Variants in HNF1B observed in about 807,000 individuals in gnomAD.
HNF1B encodes HNF1 homeobox B.
In HNF1B, 8 loss-of-function variants were observed where a neutral mutation model predicts 61.7. That is an observed-to-expected ratio of 0.13 (90% CI 0.08 to 0.23). The LOEUF is 0.23. HNF1B is among the 10% of genes least tolerant of loss of function. The probability of loss-of-function intolerance (pLI) is 1.00; values close to 1 mark genes in which losing one functional copy is unlikely to be tolerated. For missense variants in HNF1B, 562 were observed against 714.5 expected, an observed-to-expected ratio of 0.79 and a Z score of 2.43; for synonymous variants, 314 against 287.7, an observed-to-expected ratio of 1.09 and a Z score of -0.93.
chr17:37,715,422 G>A (rs895837497), intron 4 of HNF1B, among the ~76,000 whole-genome samples: 6 of 152,214 alleles, frequency 3.9e-5, no homozygotes, highest in Admixed American at 1.3e-4. Context: ...TAGTGAAAGT[G>A]TAAATCTGTT....
chr17:37,705,039 G>A lies in HNF1B; in HGVS notation c.1217C>T (p.Ser406Leu), dbSNP rs911202452. The change falls in exon 6 of 9, where the codon TCA (serine) becomes TTA (leucine). Residue 406 changes from serine to leucine, a missense_variant. Coordinates refer to ENST00000617811, the MANE Select transcript of HNF1B (RefSeq NM_000458.4). ...LSPDGKMISV[S>L]GGGLPPVSTL... ...GCTGACTGGGGGCAAACCTCCTCCT[G>A]AGACTGAGATCTGATGGAGAGAAAA... is the stretch of plus-strand genomic sequence containing the variant. The A allele has an allele frequency of 4.3e-6, 7 of 1,613,798 alleles. No homozygotes were observed. Among genetic ancestry groups the A allele is most frequent in the African/African-American group, 1.3e-5 (1 of 74,926 alleles).
chr17:37,688,619 C>A (rs1385709682), intron 8 of HNF1B, among the ~76,000 whole-genome samples: 2 of 152,136 alleles, frequency 1.3e-5, no homozygotes, highest in Non-Finnish European at 2.9e-5. Flanking sequence ...TAGGTGGCCA[C>A]TCAGCATGTG....
intron 4 of HNF1B, among the ~76,000 whole-genome samples, chr17:37,715,663 C>T (rs917311242): frequency 8.5e-5 from 13 of 152,180 alleles, no homozygotes; most frequent in Non-Finnish European, 1.8e-4. Context: ...CTTTTCCTTC[C>T]CATGTCAGAT....
chr17:37,744,228 G>A lies in HNF1B; in HGVS notation c.344+313C>T, dbSNP rs113875645. Among the ~76,000 whole-genome samples the A allele has an allele frequency of 6.8e-4, 104 of 152,338 alleles. 1 individual carries two copies. The highest frequency in any genetic ancestry group is 2.3e-3 in the African/African-American group (94 of 41,584). ...ACTGCACCCACTCGCACCTTCAGTC[G>A]CGTGGGCAAACCTCCCGGCAAAGGG... is the stretch of plus-strand genomic sequence containing the variant. On this transcript the variant is annotated intron_variant, in intron 1 of 8. Coordinates refer to ENST00000617811, the MANE Select transcript of HNF1B (RefSeq NM_000458.4).
intron 3 of HNF1B, among the ~76,000 whole-genome samples, chr17:37,732,624 C>T (rs1259709464): frequency 6.6e-6 from 1 of 152,064 alleles, no homozygotes; most frequent in African/African-American, 2.4e-5. Context: ...ATACTGGAGT[C>T]AGGGAGAACA....
intron 8 of HNF1B, among the ~76,000 whole-genome samples, chr17:37,697,662 T>C (rs2032431019): frequency 6.6e-6 from 1 of 152,194 alleles, no homozygotes; most frequent in Admixed American, 6.5e-5. Context: ...TGATTGAGAT[T>C]TGTGAGCACA....
intron 8 of HNF1B, among the ~76,000 whole-genome samples, chr17:37,692,198 G>T (rs1226472974): frequency 1.3e-5 from 2 of 152,214 alleles, no homozygotes; most frequent in Admixed American, 1.3e-4. Context: ...TCCCAGCCTG[G>T]GGTTCCTGAC....
Position 37,731,658 on chromosome 17 carries a change from G to A in HNF1B, c.982C>T (p.Pro328Ser), listed in dbSNP as rs986828416. The change falls in exon 4 of 9, where the codon CCT (proline) becomes TCT (serine). Residue 328 changes from proline (P) to serine (S), a missense_variant. Pro to Ser is a moderately conservative substitution (Grantham distance 74, BLOSUM62 -1). Transcript: ENST00000617811. Reference sequence around the variant, plus strand: ...TGGGGGGAGCCGTGGGAGAGCAGAGGGTTCAGGCTGTGAGTCTGGTTGGAG... The same window carrying A: ...TGGGGGGAGCCGTGGGAGAGCAGAGAGTTCAGGCTGTGAGTCTGGTTGGAG... ...YSSNQTHSLNPLLSHGSPHHQ... is the reference protein window; with the variant it reads ...YSSNQTHSLNSLLSHGSPHHQ... 27 of 1,614,142 alleles carry A rather than the reference G, an allele frequency of 1.7e-5. No individual in the cohort carries two copies. The highest frequency in any genetic ancestry group is 2.2e-5 in the Non-Finnish European group (26 of 1,180,020).
At chr17:37,726,626 AGG>A (rs1182198781) in intron 4 of HNF1B, among the ~76,000 whole-genome samples, 1 of 152,060 alleles carries the variant, frequency 6.6e-6, no homozygotes, top group Non-Finnish European at 1.5e-5. Context: ...GTAACCTGGG[AGG>A]GGCTGTGAAG....
intron 1 of HNF1B, 87 bp from the exon 2 acceptor site, chr17:37,739,726 A>G: frequency 7.9e-7 from 1 of 1,262,138 alleles, no homozygotes. Flanking sequence ...CCTATGGTCT[A>G]TGCAAAATTC....
chr17:37,700,157 G>A (rs906280663), intron 7 of HNF1B, among the ~76,000 whole-genome samples: 2 of 152,188 alleles, frequency 1.3e-5, no homozygotes, highest in Non-Finnish European at 2.9e-5. Context: ...TCTGATCTAA[G>A]ACTAGTGCTT....
chr17:37,707,859 G>A (rs1299793435), intron 5 of HNF1B, among the ~76,000 whole-genome samples: 1 of 152,012 alleles, frequency 6.6e-6, no homozygotes, highest in African/African-American at 2.4e-5. Context: ...GGGCATGGGG[G>A]CGGGTAGGGG....
chr17:37,710,531 T>G lies in HNF1B; in HGVS notation c.1178A>C (p.His393Pro). 6.2e-7 allele frequency: 1 copy of G among 1,614,220 alleles called. No homozygotes were observed. The highest frequency in any genetic ancestry group is 8.5e-7 in the Non-Finnish European group (1 of 1,180,034). ...QVSPASLDPGHNLLSPDGKMI... is the reference protein window; with the variant it reads ...QVSPASLDPGPNLLSPDGKMI... ...TTTACCATCAGGTGAGAGGAGATTG[T>G]GGCCTGGGTCCAGGCTGGCTGGGGA... The change falls in exon 5 of 9, where the codon CAC becomes CCC. Residue 393 changes from histidine to proline, a missense_variant. Physicochemically the swap from His to Pro is moderately conservative, Grantham distance 77. Transcript: ENST00000617811.
intron 4 of HNF1B, among the ~76,000 whole-genome samples, chr17:37,722,551 G>A (rs1375197085): frequency 6.6e-6 from 1 of 152,190 alleles, no homozygotes; most frequent in Non-Finnish European, 1.5e-5. Context: ...CTTGGCTCAG[G>A]TAGGCTTCCC....
intron 1 of HNF1B, among the ~76,000 whole-genome samples, chr17:37,742,108 C>T (rs1289814324): frequency 1.3e-5 from 2 of 152,262 alleles, no homozygotes; most frequent in Non-Finnish European, 2.9e-5. Context: ...GTGTCAAACG[C>T]CGGCCGCGGC....
intron 1 of HNF1B, among the ~76,000 whole-genome samples, 163 bp from the exon 2 acceptor site, chr17:37,739,802 G>C (rs536156644): frequency 6.6e-6 from 1 of 152,228 alleles, no homozygotes; most frequent in South Asian, 2.1e-4. Context: ...AAGCTAAACA[G>C]AGGAGAAGGT....
At chr17:37,695,150 G>A (rs1333004432) in intron 8 of HNF1B, among the ~76,000 whole-genome samples, 4 of 152,212 alleles carry the variant, frequency 2.6e-5, no homozygotes, top group Non-Finnish European at 1.5e-5. Context: ...CAGACCAAAG[G>A]CCCTGCTGCC....
intron 4 of HNF1B, among the ~76,000 whole-genome samples, chr17:37,724,772 T>C (rs996456963): frequency 1.3e-5 from 2 of 152,136 alleles, no homozygotes; most frequent in African/African-American, 2.4e-5. Context: ...TCTGGCTCTT[T>C]ACAGAAAAAG....
chr17:37,744,676 G>A lies in HNF1B; in HGVS notation c.209C>T (p.Ala70Val), dbSNP rs752853989. Reference sequence around the variant, plus strand: ...CTCGTCGCCGGACAAGCGGCCCTTGGCGTGGCCGTTGGTGAGAGTATGGAA... The same window carrying A: ...CTCGTCGCCGGACAAGCGGCCCTTGACGTGGCCGTTGGTGAGAGTATGGAA... ...PVFHTLTNGH[A>V]KGRLSGDEGS... is the part of the protein sequence containing the mutation. Residue 70 changes from alanine (A) to valine (V), a missense_variant, in exon 1 of 9, where the codon GCC becomes GTC. Physicochemically the swap from Ala to Val is moderately conservative, Grantham distance 64. Around this residue, in one of 6 missense-constraint regions of HNF1B, gnomAD observed 148 missense variants for 147.3 expected, o/e 1.00. Transcript: ENST00000617811. The A allele has an allele frequency of 6.2e-7, 1 of 1,613,460 alleles. No individual in the cohort carries two copies. The highest frequency in any genetic ancestry group is 1.1e-5 in the South Asian group (1 of 91,086).
Sources: gnomAD v4.1 joint callset for allele counts (sites outside exome capture counted in the v4.1 genomes callset) on GRCh38, gnomAD v4.1.1 for gene constraint, gnomAD v4.1.1 regional missense constraint, MANE v1.5 for transcripts, NCBI Gene and HGNC (gene_info 2026-07-23, HGNC 2026-07-21) for gene names.